Variants in CLTRN observed in about 807,000 individuals in gnomAD.
CLTRN encodes the protein collectrin.
Under a neutral mutation model 14.5 loss-of-function variants are expected in CLTRN, and 12 were observed. That is an observed-to-expected ratio of 0.83 (90% CI 0.53 to 1.34). CLTRN has a LOEUF of 1.34. CLTRN is among the 40% of genes most tolerant of loss of function. The pLI is 0.00. For missense variants in CLTRN, 154 were observed against 165.1 expected (o/e 0.93, Z 0.37); for synonymous variants, 58 against 56.5 (o/e 1.03, Z -0.12).
chrX:15,673,451 T>C (rs1477578701), intron 1 of CLTRN, among the ~76,000 whole-genome samples: 1 of 112,467 alleles, frequency 8.9e-6, no homozygotes, highest in African/African-American at 3.2e-5. Flanking sequence ...CCTCAAATCA[T>C]CTGGGAGAAA....
intron 3 of CLTRN, among the ~76,000 whole-genome samples, chrX:15,648,436 G>A (rs1929139042): frequency 9.0e-6 from 1 of 110,986 alleles, no homozygotes; most frequent in Non-Finnish European, 1.9e-5. Flanking sequence ...ATGGCTACAG[G>A]TGTTCCCAAA....
intron 3 of CLTRN, among the ~76,000 whole-genome samples, chrX:15,658,515 A>G (rs966102662): frequency 8.9e-6 from 1 of 112,334 alleles, no homozygotes; most frequent in Non-Finnish European, 1.9e-5. Context: ...ACAAATAGAG[A>G]AAGAAAGAAA....
At chrX:15,655,566 C>T (rs1159425829) in intron 3 of CLTRN, among the ~76,000 whole-genome samples, 1 of 112,182 alleles carries the variant, frequency 8.9e-6, no homozygotes, top group African/African-American at 3.2e-5. Context: ...CTTCCAAAGC[C>T]TCTGCTTGGC....
At chrX:15,648,166 G>A (rs1381112088) in intron 3 of CLTRN, among the ~76,000 whole-genome samples, 1 of 108,557 alleles carries the variant, frequency 9.2e-6, no homozygotes. Flanking sequence ...GTTCTTTGCG[G>A]CACTCGTCAC....
rs186310717 is a variant in CLTRN, at chrX:15,649,598, G to A, written c.204-4569C>T. Among the ~76,000 whole-genome samples the A allele has an allele frequency of 2.7e-5, 3 of 111,341 alleles. No individual in the cohort carries two copies. In the East Asian group the frequency reaches 8.5e-4, roughly 31 times the overall value. ...GCTCTTAGTGTGTCAATGGGGGTGT[G>A]CTGTTGGCATTTTGGGTGGGAATGT... On this transcript the variant is annotated intron_variant, in intron 3 of 5. Transcript: ENST00000380342.
intron 5 of CLTRN, among the ~76,000 whole-genome samples, chrX:15,637,600 C>A (rs1928847491): frequency 8.9e-6 from 1 of 111,898 alleles, no homozygotes; most frequent in Non-Finnish European, 1.9e-5. Context: ...TGATGCTACA[C>A]ACCCAATTAT....
At chrX:15,632,934 T>C (rs900188970) in intron 5 of CLTRN, among the ~76,000 whole-genome samples, 3 of 98,609 alleles carry the variant, frequency 3.0e-5, no homozygotes, top group Non-Finnish European at 6.2e-5. Flanking sequence ...GACCCAAGAA[T>C]AGCCAGAAAG....
At chrX:15,657,019 G>C (rs1163481595) in intron 3 of CLTRN, among the ~76,000 whole-genome samples, 2 of 104,598 alleles carry the variant, frequency 1.9e-5, no homozygotes, top group Non-Finnish European at 3.9e-5. Context: ...TTTTTTTTGA[G>C]ACAGAGTCTC....
At chrX:15,670,774 A>C (rs113650825) in intron 1 of CLTRN, among the ~76,000 whole-genome samples, 2,278 of 109,281 alleles carry the variant, frequency 0.021, 58 homozygotes, top group African/African-American at 0.072. Context: ...GCTGCAAAAC[A>C]CCCCCACAAA....
chrX:15,645,507 GCA>G (rs1206361925), intron 3 of CLTRN, among the ~76,000 whole-genome samples: 3 of 111,883 alleles, frequency 2.7e-5, no homozygotes, highest in Non-Finnish European at 5.6e-5. Flanking sequence ...TTCCACCCCA[GCA>G]TCAGGGCCAA....
intron 3 of CLTRN, among the ~76,000 whole-genome samples, chrX:15,649,213 A>G (rs1025827760): frequency 1.8e-5 from 2 of 112,025 alleles, no homozygotes; most frequent in Admixed American, 9.4e-5. Context: ...AACTCCATCA[A>G]CACAACTATG....
At chrX:15,673,067 G>T (rs923920687) in intron 1 of CLTRN, among the ~76,000 whole-genome samples, 4 of 112,383 alleles carry the variant, frequency 3.6e-5, no homozygotes, top group African/African-American at 9.7e-5. Context: ...GAATGTGGGT[G>T]TAACAACTTA....
At chrX:15,667,465 A>T (rs1201775259), upstream of CLTRN, among the ~76,000 whole-genome samples, 2 of 111,939 alleles carry the variant, frequency 1.8e-5, no homozygotes, top group South Asian at 3.7e-4. Flanking sequence ...TCATCTTTTC[A>T]AAAAGAGCAA....
intron 3 of CLTRN, among the ~76,000 whole-genome samples, chrX:15,654,188 A>C (rs1929293665): frequency 8.9e-6 from 1 of 112,525 alleles, no homozygotes; most frequent in African/African-American, 3.2e-5. Context: ...CTTACCGTGG[A>C]TACAACAGCA....
chrX:15,638,040 T>C (rs1293015030), intron 5 of CLTRN, among the ~76,000 whole-genome samples: 1 of 112,230 alleles, frequency 8.9e-6, no homozygotes, highest in Non-Finnish European at 1.9e-5. Context: ...TCCTACACTA[T>C]ACTGTACTAG....
chrX:15,637,067 AAT>A (rs756605038), intron 5 of CLTRN, among the ~76,000 whole-genome samples: 1 of 111,162 alleles, frequency 9.0e-6, no homozygotes. Flanking sequence ...AGTAAGTTTA[AAT>A]ATATATATGT....
intron 3 of CLTRN, among the ~76,000 whole-genome samples, chrX:15,655,874 C>G (rs1441269025): frequency 8.9e-6 from 1 of 112,130 alleles, no homozygotes; most frequent in African/African-American, 3.2e-5. Flanking sequence ...TCTATGAGCA[C>G]TTCTCTACCT....
intron 4 of CLTRN, among the ~76,000 whole-genome samples, chrX:15,641,747 G>T (rs1162456430): frequency 9.2e-6 from 1 of 109,017 alleles, no homozygotes; most frequent in Non-Finnish European, 1.9e-5. Context: ...TTTGAAATTT[G>T]GCTTATGTTT....
intron 3 of CLTRN, among the ~76,000 whole-genome samples, chrX:15,655,424 G>A (rs1408846426): frequency 9.0e-6 from 1 of 111,469 alleles, no homozygotes; most frequent in Non-Finnish European, 1.9e-5. Context: ...TGGGTGACAC[G>A]CTGACTGATT....
Sources: gnomAD v4.1 joint callset for allele counts (sites outside exome capture counted in the v4.1 genomes callset) on GRCh38, gnomAD v4.1.1 for gene constraint, MANE v1.5 for transcripts, NCBI Gene and HGNC (gene_info 2026-07-23, HGNC 2026-07-21) for gene names.